Variants in SULF2 observed in about 807,000 individuals in gnomAD.
The protein encoded by SULF2 is extracellular sulfatase Sulf-2.
In SULF2, 52 loss-of-function variants were observed where a neutral mutation model predicts 107.7. The ratio of observed to expected loss-of-function variants is 0.48; its 90% CI spans 0.39 to 0.61. The LOEUF is 0.61. SULF2 is among the 20% of genes least tolerant of loss of function. The probability of loss-of-function intolerance (pLI) is 0.00; values close to 1 mark genes in which losing one functional copy is unlikely to be tolerated. For missense variants in SULF2, 993 were observed against 1,177.3 expected (o/e 0.84, Z 2.29); for synonymous variants, 460 against 464.3 (o/e 0.99, Z 0.12).
intron 3 of SULF2, among the ~76,000 whole-genome samples, chr20:47,718,776 A>T (rs1395128337): frequency 6.6e-6 from 1 of 152,094 alleles, no homozygotes; most frequent in Non-Finnish European, 1.5e-5. Flanking sequence ...AGAGTTGGGG[A>T]TGGGGGTTGA....
intron 3 of SULF2, among the ~76,000 whole-genome samples, chr20:47,711,197 C>T (rs568844643): frequency 2.0e-5 from 3 of 152,364 alleles, no homozygotes; most frequent in South Asian, 4.1e-4. Context: ...ACACGCTGTT[C>T]CTCCCAGCAT....
Position 47,678,530 on chromosome 20 carries a change from G to GGGACCATGCTTCTCT in SULF2, c.1193+145_1193+146insAGAGAAGCATGGTCC. The stretch of plus-strand genomic sequence containing the variant: ...GAGGGGACCATGCTTCTCTCCCACA[G>GGGACCATGCTTCTCT]CAGGTAAGTGGTTGGCATGGCGGGA... On this transcript the variant is annotated intron_variant, in intron 8 of 20. Coordinates refer to ENST00000688720, the MANE Select transcript of SULF2 (RefSeq NM_001387048.1). The surrounding 1 kb of genome is among the most constrained non-coding windows in gnomAD (Gnocchi z 4.5). 10 of 993,720 alleles carry GGGACCATGCTTCTCT rather than the reference G, an allele frequency of 1.0e-5. No homozygotes were observed. Among genetic ancestry groups the GGGACCATGCTTCTCT allele is most frequent in the Non-Finnish European group, 1.5e-5 (10 of 670,422 alleles). The allele number at this position is 993,720 out of a possible 1,614,324, so 61.6% of individuals were successfully genotyped here.
intron 14 of SULF2, among the ~76,000 whole-genome samples, chr20:47,664,921 C>T (rs1299351909): frequency 6.6e-6 from 1 of 152,234 alleles, no homozygotes; most frequent in Non-Finnish European, 1.5e-5. Context: ...AAAGGGCAAT[C>T]GGCAGAGGCA....
At chr20:47,685,845 G>C (rs1368286032) in intron 5 of SULF2, 2 of 152,256 alleles carry the variant, frequency 1.3e-5, no homozygotes, top group African/African-American at 4.8e-5. Flanking sequence ...GGAGTGTGTT[G>C]GGCAAAGTTC....
upstream of SULF2, chr20:47,785,808 G>T (rs1457718047): frequency 2.7e-5 from 4 of 150,616 alleles, no homozygotes; most frequent in East Asian, 5.9e-4. Context: ...TGCCCTCCTC[G>T]AGCCCTCCGC....
At chr20:47,761,353 C>T (rs569068854) in intron 1 of SULF2, among the ~76,000 whole-genome samples, 1 of 152,184 alleles carries the variant, frequency 6.6e-6, no homozygotes, top group Non-Finnish European at 1.5e-5. Flanking sequence ...CAACTCTTTC[C>T]GTTCAAGGAC....
chr20:47,738,861 A>T (rs1044961745), intron 2 of SULF2, among the ~76,000 whole-genome samples: 1 of 152,170 alleles, frequency 6.6e-6, no homozygotes, highest in Non-Finnish European at 1.5e-5. Context: ...GTCTTTGCAG[A>T]TGTAATTAAA....
intron 4 of SULF2, among the ~76,000 whole-genome samples, chr20:47,697,274 G>A (rs550220121): frequency 3.2e-4 from 48 of 152,266 alleles, no homozygotes; most frequent in Non-Finnish European, 6.8e-4. Flanking sequence ...CTCTCTTTCT[G>A]CCCTTGACAT....
At chr20:47,723,638 G>A (rs928989322) in intron 3 of SULF2, among the ~76,000 whole-genome samples, 15 of 152,174 alleles carry the variant, frequency 9.9e-5, no homozygotes, top group African/African-American at 2.9e-4. Flanking sequence ...TCATAGGAGC[G>A]TGAACCCCGT....
chr20:47,745,397 AAAAAAAAAAAAAAATATATATATATATAT>A (rs2089992650), intron 2 of SULF2, among the ~76,000 whole-genome samples: 2 of 33,850 alleles, frequency 5.9e-5, no homozygotes, highest in Non-Finnish European at 8.8e-5. Flanking sequence ...AAAAAAAAAA[AAAAAAAAAAAAAAATATATATATATATAT>A]ATATATATAT....
chr20:47,701,850 G>A (rs1434611422), intron 4 of SULF2, among the ~76,000 whole-genome samples: 2 of 152,094 alleles, frequency 1.3e-5, no homozygotes, highest in Non-Finnish European at 2.9e-5. Flanking sequence ...TCGAGTCGGG[G>A]GAATTCCGTG....
chr20:47,707,619 G>C (rs897666122), intron 3 of SULF2, among the ~76,000 whole-genome samples: 5 of 152,142 alleles, frequency 3.3e-5, no homozygotes, highest in Non-Finnish European at 5.9e-5. Flanking sequence ...ACTCGAGTGA[G>C]ATATGCGGAC....
chr20:47,694,318 AC>A lies in SULF2; in HGVS notation c.568-4024del, dbSNP rs2088302496. 6.6e-6 allele frequency among the ~76,000 whole-genome samples: 1 copy of A among 151,486 alleles called. No homozygotes were observed. Among genetic ancestry groups the A allele is most frequent in the Non-Finnish European group, 1.5e-5 (1 of 67,820 alleles). On this transcript the variant is annotated intron_variant, in intron 4 of 20. Coordinates refer to ENST00000688720, the MANE Select transcript of SULF2 (RefSeq NM_001387048.1). The surrounding 1 kb of genome is among the most constrained non-coding windows in gnomAD (Gnocchi z 4.4). The stretch of plus-strand genomic sequence containing the variant: ...GGTGCGGGAGGGGCGGGTGACCCCC[AC>A]CCCTGTTGGTCTCTGGTTTGGGCAG...
intron 2 of SULF2, among the ~76,000 whole-genome samples, chr20:47,743,223 C>T (rs920932765): frequency 5.3e-5 from 8 of 152,092 alleles, no homozygotes; most frequent in African/African-American, 1.7e-4. Context: ...AAACACAGGA[C>T]CTTGACTTAA....
chr20:47,715,890 T>C (rs2146670606), intron 3 of SULF2, among the ~76,000 whole-genome samples: 1 of 152,264 alleles, frequency 6.6e-6, no homozygotes, highest in Middle Eastern at 3.4e-3. Context: ...AGAACGTAGA[T>C]TTGTTTTTTT....
At chr20:47,696,407 C>CG (rs1348949695) in intron 4 of SULF2, among the ~76,000 whole-genome samples, 1 of 151,734 alleles carries the variant, frequency 6.6e-6, no homozygotes, top group East Asian at 1.9e-4. Flanking sequence ...TTACCACCCC[C>CG]CCACCCCCAT....
At chr20:47,773,732 G>A (rs1037992248) in intron 1 of SULF2, among the ~76,000 whole-genome samples, 1 of 152,254 alleles carries the variant, frequency 6.6e-6, no homozygotes, top group Non-Finnish European at 1.5e-5. Context: ...GACTTGAACA[G>A]AGTCATTATT....
intron 2 of SULF2, among the ~76,000 whole-genome samples, chr20:47,744,704 T>C (rs2089966899): frequency 6.6e-6 from 1 of 152,124 alleles, no homozygotes; most frequent in Non-Finnish European, 1.5e-5. Context: ...GCCACTGTTG[T>C]GGCCACATAT....
Position 47,678,545 on chromosome 20 carries a change from G to T in SULF2, c.1193+131C>A. 3.2e-6 allele frequency: 3 copies of T among 940,668 alleles called. No homozygotes were observed. Among genetic ancestry groups the T allele is most frequent in the Non-Finnish European group, 4.6e-6 (3 of 647,520 alleles). 58.3% of individuals were successfully genotyped at this position (940,668 alleles called of 1,614,324 possible). On this transcript the variant is annotated intron_variant, in intron 8 of 20. Coordinates refer to ENST00000688720, the MANE Select transcript of SULF2 (RefSeq NM_001387048.1). The surrounding 1 kb of genome is among the most constrained non-coding windows in gnomAD (Gnocchi z 4.5). Reference sequence around the variant, plus strand: ...CTCTCCCACAGCAGGTAAGTGGTTGGCATGGCGGGACCTGAGAACCCCAGC... The same window carrying T: ...CTCTCCCACAGCAGGTAAGTGGTTGTCATGGCGGGACCTGAGAACCCCAGC...
Sources: allele counts gnomAD v4.1 joint callset (sites outside exome capture counted in the v4.1 genomes callset), GRCh38; gene constraint gnomAD v4.1.1; non-coding constraint Gnocchi (gnomAD v3.1); transcripts MANE v1.5; gene names NCBI Gene and HGNC (gene_info 2026-07-23, HGNC 2026-07-21).